DOP1B: variants seen among roughly 807,000 people sequenced by gnomAD.
The protein encoded by DOP1B is DOP1 leucine zipper like protein B, also known as protein DOP1B.
A neutral mutation model predicts 233.5 loss-of-function variants in DOP1B; 174 were observed. The ratio of observed to expected loss-of-function variants is 0.75; its 90% confidence interval spans 0.66 to 0.85. DOP1B has a LOEUF of 0.85. Ranked by LOEUF, DOP1B falls within the 40% of genes least tolerant of loss-of-function variation. The probability of loss-of-function intolerance (pLI) is 0.00; values close to 1 mark genes in which losing one functional copy is unlikely to be tolerated. For missense variants in DOP1B, 2,652 were observed against 2,846.6 expected (o/e 0.93, Z 1.56); for synonymous variants, 1,190 against 1,185.6 (o/e 1.00, Z -0.08).
At chr21:36,293,137 C>T (rs1217445873) in intron 36 of DOP1B, among the ~76,000 whole-genome samples, 183 bp from the exon 37 acceptor site, 1 of 150,068 alleles carries the variant, frequency 6.7e-6, no homozygotes. Context: ...ACCCGGGAGA[C>T]AGAGGTTGCA....
intron 35 of DOP1B, 113 bp from the exon 36 acceptor site, chr21:36,291,991 G>T: frequency 8.1e-7 from 1 of 1,231,586 alleles, no homozygotes; most frequent in Admixed American, 2.6e-5. Context: ...AAAAGGCATT[G>T]AGTTGTCCAT....
chr21:36,285,199 A>G (rs887262480), intron 32 of DOP1B, among the ~76,000 whole-genome samples: 2 of 152,040 alleles, frequency 1.3e-5, no homozygotes, highest in Non-Finnish European at 2.9e-5. Flanking sequence ...AGCTGGGATT[A>G]CAGGCACCCA....
chr21:36,194,333 T>C (rs951850217), intron 2 of DOP1B, among the ~76,000 whole-genome samples: 6 of 152,188 alleles, frequency 3.9e-5, no homozygotes, highest in Non-Finnish European at 5.9e-5. Context: ...ACCTGTATGC[T>C]TGAGTCAAGC....
intron 18 of DOP1B, among the ~76,000 whole-genome samples, chr21:36,241,152 G>C (rs945475994): frequency 2.0e-5 from 3 of 151,910 alleles, no homozygotes; most frequent in African/African-American, 7.3e-5. Flanking sequence ...AAATAAGCCA[G>C]GCATGGTGGC....
chr21:36,191,736 A>G (rs1038351161), intron 2 of DOP1B, among the ~76,000 whole-genome samples: 8 of 151,190 alleles, frequency 5.3e-5, no homozygotes, highest in African/African-American at 1.9e-4. Flanking sequence ...CAGTGAGCCG[A>G]GATCACACCA....
In DOP1B at chr21:36,231,047, C is replaced by A. The variant is rs1277112603; in HGVS notation, c.2263C>A (p.His755Asn). Reference protein sequence around the residue: ...ERREAFAAACHLLLDCATFPV... With the variant: ...ERREAFAAACNLLLDCATFPV... ...CAGGGAGGCCTTTGCCGCCGCCTGC[C>A]ACCTGCTGCTGGATTGTGCCACTTT... The change falls in exon 14 of 37, where the codon CAC (histidine) becomes AAC (asparagine). Residue 755 changes from histidine to asparagine, a missense_variant. This residue lies in a region of DOP1B where 2,617 missense variants were observed against 2,794.3 expected (regional missense o/e 0.94). Coordinates refer to ENST00000691173, the MANE Select transcript of DOP1B (RefSeq NM_001320714.2). The A allele has an allele frequency of 6.2e-7, 1 of 1,614,080 alleles. No homozygotes were observed. Among genetic ancestry groups the A allele is most frequent in the Admixed American group, 1.7e-5 (1 of 59,996 alleles).
chr21:36,291,240 G>A (rs565178080), intron 35 of DOP1B, among the ~76,000 whole-genome samples: 10 of 151,668 alleles, frequency 6.6e-5, no homozygotes, highest in East Asian at 1.9e-4. Context: ...CAGCCTGGGC[G>A]AAAGAGCGAA....
At chr21:36,158,080 T>A (rs2123374835) in intron 1 of DOP1B, among the ~76,000 whole-genome samples, 1 of 152,248 alleles carries the variant, frequency 6.6e-6, no homozygotes, top group Non-Finnish European at 1.5e-5. Context: ...ATTACAGGTA[T>A]GAGCCACAGT....
intron 36 of DOP1B, 111 bp from the exon 37 acceptor site, chr21:36,293,205 CAAAA>C (rs3989100): frequency 5.9e-4 from 606 of 1,029,208 alleles, no homozygotes; most frequent in Non-Finnish European, 6.6e-4. Context: ...GACTCTGTCT[CAAAA>C]AAAAAAAAAA....
At chr21:36,270,590 A>G (rs1210505254) in intron 27 of DOP1B, among the ~76,000 whole-genome samples, 2 of 142,410 alleles carry the variant, frequency 1.4e-5, no homozygotes, top group Non-Finnish European at 3.0e-5. Context: ...TATTTAGAGC[A>G]GTGACAAGAT....
chr21:36,280,362 C>T lies in DOP1B; in HGVS notation c.6031+16C>T. 4 of 1,575,034 alleles carry T rather than the reference C, an allele frequency of 2.5e-6. No homozygotes were observed. The highest frequency in any genetic ancestry group is 3.5e-6 in the Non-Finnish European group (4 of 1,149,190). On this transcript the variant is annotated intron_variant, in intron 31 of 36. Transcript: ENST00000691173. ...GATTTAATGAGTAAGTTCTGTGTTA[C>T]TTTTGCATAACTCACACTTGATAGG...
At chr21:36,168,336 A>G (rs2065935974) in intron 2 of DOP1B, among the ~76,000 whole-genome samples, 1 of 152,022 alleles carries the variant, frequency 6.6e-6, no homozygotes, top group African/African-American at 2.4e-5. Flanking sequence ...TTCATTTGCA[A>G]GCTTTTGTTT....
chr21:36,213,328 C>G (rs1374781558), intron 7 of DOP1B, among the ~76,000 whole-genome samples: 1 of 152,142 alleles, frequency 6.6e-6, no homozygotes, highest in African/African-American at 2.4e-5. Flanking sequence ...CCAGCTCTGG[C>G]TCACTTACTT....
intron 11 of DOP1B, among the ~76,000 whole-genome samples, chr21:36,223,665 G>A (rs1411969667): frequency 6.6e-6 from 1 of 152,150 alleles, no homozygotes; most frequent in African/African-American, 2.4e-5. Context: ...CTGGCTGCCC[G>A]ATCTATTGAA....
In DOP1B at chr21:36,225,578, C is replaced by T. The variant is rs140670312; in HGVS notation, c.1384C>T (p.Arg462Cys). 547 of 1,613,938 alleles carry T rather than the reference C, an allele frequency of 3.4e-4. No homozygotes were observed. The highest frequency in any genetic ancestry group is 3.9e-4 in the Non-Finnish European group (460 of 1,180,010). The stretch of plus-strand genomic sequence containing the variant: ...TGTGATTTATAGACCAGTGAAGCAG[C>T]GTTACAGCGTGAGGAACAGCGTCAG... ...FEECFRPVKQ[R>C]YSVRNSVSPP... The change falls in exon 12 of 37, where the codon CGT (arginine) becomes TGT (cysteine). Residue 462 changes from arginine (R) to cysteine (C), a missense_variant. By Grantham distance (180) the Arg-to-Cys change is radical. This residue lies in a region of DOP1B where 2,617 missense variants were observed against 2,794.3 expected (regional missense o/e 0.94). Transcript: ENST00000691173.
chr21:36,185,261 C>G (rs2066150938), intron 2 of DOP1B, among the ~76,000 whole-genome samples: 2 of 152,260 alleles, frequency 1.3e-5, no homozygotes, highest in South Asian at 2.1e-4. Context: ...GCAGTGTTCT[C>G]TGCATCATGT....
chr21:36,159,185 C>T (rs372251682), intron 1 of DOP1B, among the ~76,000 whole-genome samples: 1 of 152,046 alleles, frequency 6.6e-6, no homozygotes, highest in Non-Finnish European at 1.5e-5. Flanking sequence ...GGCGCAGTGG[C>T]TTATGCCTGT....
In DOP1B at chr21:36,164,750, A is replaced by G; in HGVS notation, c.17A>G (p.Gln6Arg). 1.2e-6 allele frequency: 2 copies of G among 1,601,898 alleles called. No individual in the cohort carries two copies. Among genetic ancestry groups the G allele is most frequent in the Non-Finnish European group, 1.7e-6 (2 of 1,176,292 alleles). Residue 6 changes from glutamine (Q) to arginine (R), a missense_variant, in exon 2 of 37, where the codon CAG (glutamine) becomes CGG (arginine). Gln to Arg is a conservative substitution (Grantham distance 43, BLOSUM62 1). This residue lies in a region of DOP1B where 2,617 missense variants were observed against 2,794.3 expected (regional missense o/e 0.94). Coordinates refer to ENST00000691173, the MANE Select transcript of DOP1B (RefSeq NM_001320714.2). ...GAATGTAAGATGGATCCAGAAGAGC[A>G]GGAGCTCTTAAATGATTACAGATAC... is the stretch of plus-strand genomic sequence containing the variant. MDPEE[Q>R]ELLNDYRYRS...
intron 4 of DOP1B, among the ~76,000 whole-genome samples, chr21:36,207,119 T>A (rs2066434862): frequency 6.6e-6 from 1 of 151,746 alleles, no homozygotes; most frequent in African/African-American, 2.4e-5. Context: ...TAGTAGTAAT[T>A]GCAGGCGGCA....
Sources: gnomAD v4.1 joint callset for allele counts (sites outside exome capture counted in the v4.1 genomes callset) on GRCh38, gnomAD v4.1.1 for gene constraint, gnomAD v4.1.1 regional missense constraint, MANE v1.5 for transcripts, NCBI Gene and HGNC (gene_info 2026-07-23, HGNC 2026-07-21) for gene names.